ANO6: variants seen among roughly 807,000 people sequenced by gnomAD.
ANO6 encodes the protein anoctamin-6.
ANO6 carries 106 observed loss-of-function variants against 117.5 expected under a neutral mutation model. The ratio of observed to expected loss-of-function variants is 0.90; its 90% CI spans 0.77 to 1.06. The LOEUF is 1.06. Ranked by LOEUF, ANO6 falls within the 50% of genes least tolerant of loss-of-function variation. The pLI, the probability that ANO6 is intolerant of heterozygous loss-of-function variation, is 0.00. For missense variants in ANO6, 955 were observed against 1,121.1 expected (o/e 0.85, Z 2.12); for synonymous variants, 367 against 385.1 (o/e 0.95, Z 0.55).
chr12:45,269,804 G>A (rs894733503), intron 1 of ANO6, among the ~76,000 whole-genome samples: 6 of 152,096 alleles, frequency 3.9e-5, no homozygotes, highest in Non-Finnish European at 5.9e-5. Context: ...AAGATCCTTC[G>A]GTGGCCTTTG....
intron 7 of ANO6, among the ~76,000 whole-genome samples, chr12:45,356,051 ACT>A (rs1219931038): frequency 1.3e-5 from 2 of 151,876 alleles, no homozygotes; most frequent in Admixed American, 1.3e-4. Flanking sequence ...TCATTCCTAA[ACT>A]CTCTTTCTGC....
chr12:45,340,017 G>C (rs770840013), intron 3 of ANO6, among the ~76,000 whole-genome samples: 1 of 152,112 alleles, frequency 6.6e-6, no homozygotes, highest in African/African-American at 2.4e-5. Flanking sequence ...GTGGGTAATA[G>C]AAAGAAAATG....
chr12:45,322,833 T>TA (rs753833121), intron 2 of ANO6, among the ~76,000 whole-genome samples: 32 of 152,114 alleles, frequency 2.1e-4, no homozygotes, highest in Admixed American at 5.2e-4. Flanking sequence ...TAGGGAAATG[T>TA]AAAAAAAATT....
chr12:45,297,242 T>C (rs896380100), intron 1 of ANO6, among the ~76,000 whole-genome samples: 2 of 152,184 alleles, frequency 1.3e-5, no homozygotes, highest in Non-Finnish European at 2.9e-5. Flanking sequence ...AGATGAGTCA[T>C]TGGACCCAAC....
chr12:45,336,953 T>C (rs1413092674), intron 3 of ANO6, among the ~76,000 whole-genome samples: 10 of 152,068 alleles, frequency 6.6e-5, no homozygotes, highest in Admixed American at 6.6e-4. Context: ...ACAGTGATAC[T>C]GATGATCCTG....
At chr12:45,426,834 T>C (rs1414894853) in intron 19 of ANO6, among the ~76,000 whole-genome samples, 1 of 152,050 alleles carries the variant, frequency 6.6e-6, no homozygotes, top group Non-Finnish European at 1.5e-5. Context: ...TGGAGTCTGC[T>C]GGCTCTAAAT....
At chr12:45,421,781 G>GCTGAAA (rs1350743511) in intron 18 of ANO6, among the ~76,000 whole-genome samples, 6 of 152,192 alleles carry the variant, frequency 3.9e-5, no homozygotes, top group African/African-American at 1.4e-4. Context: ...CAGCTGAACA[G>GCTGAAA]TATTATCTAA....
chr12:45,338,472 T>C (rs1202945222), intron 3 of ANO6, among the ~76,000 whole-genome samples: 1 of 152,082 alleles, frequency 6.6e-6, no homozygotes, highest in Non-Finnish European at 1.5e-5. Context: ...GTAAGAGATA[T>C]GGCAGCCAGT....
At chr12:45,349,326 A>G (rs1385445939) in intron 6 of ANO6, among the ~76,000 whole-genome samples, 4 of 152,202 alleles carry the variant, frequency 2.6e-5, no homozygotes, top group Non-Finnish European at 5.9e-5. Flanking sequence ...TGACAATGGC[A>G]GTACCCCAGA....
chr12:45,279,172 A>C (rs149287103), intron 1 of ANO6, among the ~76,000 whole-genome samples: 1 of 152,154 alleles, frequency 6.6e-6, no homozygotes, highest in Non-Finnish European at 1.5e-5. Context: ...TGAGGAAGGG[A>C]ATCTGGAGGT....
intron 12 of ANO6, among the ~76,000 whole-genome samples, chr12:45,398,699 G>T (rs550104497): frequency 2.0e-5 from 3 of 152,102 alleles, no homozygotes; most frequent in Non-Finnish European, 4.4e-5. Context: ...CGATGAGAAA[G>T]TATGGTCATG....
At chr12:45,394,716 A>C (rs1358732555) in intron 12 of ANO6, among the ~76,000 whole-genome samples, 2 of 152,252 alleles carry the variant, frequency 1.3e-5, no homozygotes, top group Non-Finnish European at 1.5e-5. Flanking sequence ...AACTACATGG[A>C]AACTGAACAA....
rs779937111 is a variant in ANO6, at chr12:45,357,440, TC to T, written c.998+18del. On this transcript the variant is annotated intron_variant, in intron 8 of 19. Coordinates refer to ENST00000320560, the MANE Select transcript of ANO6 (RefSeq NM_001025356.3). ...GTACATGGAGGTAACCTCTGTTTAT[TC>T]CTTGTTGCCATGCTGAAAAGTTTAT... 10 of 1,612,944 alleles carry T rather than the reference TC, an allele frequency of 6.2e-6. No individual in the cohort carries two copies. The South Asian group carries it at 1.1e-4, about 18-fold the overall frequency.
Position 45,353,237 on chromosome 12 carries a change from C to T in ANO6, c.863+2463C>T, listed in dbSNP as rs180780473. Among the ~76,000 whole-genome samples the T allele has an allele frequency of 5.1e-3, 782 of 152,098 alleles. 3 individuals are homozygous for T. Among genetic ancestry groups the T allele is most frequent in the Middle Eastern group, 0.027 (8 of 294 alleles). ...GATTTCATTATTTTATATGGTCATA[C>T]TCGGATTCCCTTGTCATTCATTTTT... On this transcript the variant is annotated intron_variant, in intron 7 of 19. Transcript: ENST00000320560.
chr12:45,320,521 G>A (rs955210573), intron 2 of ANO6, among the ~76,000 whole-genome samples: 7 of 152,138 alleles, frequency 4.6e-5, no homozygotes, highest in Non-Finnish European at 8.8e-5. Flanking sequence ...CATTTGCTGA[G>A]GAGTGCTTTA....
intron 1 of ANO6, among the ~76,000 whole-genome samples, chr12:45,259,720 G>A (rs1937958851): frequency 6.6e-6 from 1 of 152,140 alleles, no homozygotes; most frequent in African/African-American, 2.4e-5. Context: ...AACTCTCCAG[G>A]GCAGGAAACA....
At chr12:45,253,762 G>C (rs1937709697) in intron 1 of ANO6, among the ~76,000 whole-genome samples, 1 of 152,208 alleles carries the variant, frequency 6.6e-6, no homozygotes, top group Admixed American at 6.5e-5. Flanking sequence ...CCAGCTTGCT[G>C]ATGTCATGAT....
rs777609327 is a variant in ANO6, at chr12:45,357,471, C to G, written c.998+47C>G. ...TTGCCATGCTGAAAAGTTTATTAGA[C>G]ATAAAATTATTTTCATGGTCTTAAA... On this transcript the variant is annotated intron_variant, in intron 8 of 19. Coordinates refer to ENST00000320560, the MANE Select transcript of ANO6 (RefSeq NM_001025356.3). 5 of 1,608,196 alleles carry G rather than the reference C, an allele frequency of 3.1e-6. 1 individual carries two copies. In the South Asian group the frequency reaches 5.5e-5, roughly 18 times the overall value.
At chr12:45,296,746 G>T (rs1260843454) in intron 1 of ANO6, among the ~76,000 whole-genome samples, 1 of 152,090 alleles carries the variant, frequency 6.6e-6, no homozygotes, top group African/African-American at 2.4e-5. Flanking sequence ...GATTCCCATT[G>T]TGTCACTTTG....
Sources: gnomAD v4.1 joint callset for allele counts (sites outside exome capture counted in the v4.1 genomes callset) on GRCh38, gnomAD v4.1.1 for gene constraint, MANE v1.5 for transcripts, NCBI Gene and HGNC (gene_info 2026-07-23, HGNC 2026-07-21) for gene names.